The following FRMD4A variants were observed in gnomAD, a reference collection of about 807,000 sequenced individuals.
The protein encoded by FRMD4A is FERM domain containing 4A, also known as FERM domain-containing protein 4A.
FRMD4A carries 29 observed loss-of-function variants against 129.1 expected under a neutral mutation model. The ratio of observed to expected loss-of-function variants is 0.22; its 90% confidence interval spans 0.17 to 0.31. The LOEUF (loss-of-function observed/expected upper bound fraction) is 0.31, where lower values mean the gene tolerates loss of function less well. Among genes scored for constraint, FRMD4A ranks in the 10% least tolerant of loss-of-function variants. The pLI, the probability that FRMD4A is intolerant of heterozygous loss-of-function variation, is 1.00. For missense variants in FRMD4A, 1,272 were observed against 1,375.8 expected, an observed-to-expected ratio of 0.92 and a Z score of 1.19; for synonymous variants, 634 against 571.6, an observed-to-expected ratio of 1.11 and a Z score of -1.56.
At chr10:13,820,394 G>A (rs1268339433) in intron 3 of FRMD4A, among the ~76,000 whole-genome samples, 6 of 152,146 alleles carry the variant, frequency 3.9e-5, no homozygotes, top group African/African-American at 1.4e-4. Flanking sequence ...ACTCTGGGCT[G>A]GGAAGGCAGG....
chr10:13,740,655 C>A, intron 9 of FRMD4A, 78 bp from the exon 10 acceptor site: 1 of 761,588 alleles, frequency 1.3e-6, no homozygotes. Context: ...AGATATTTCT[C>A]AGCCCCATCT....
At chr10:13,972,153 G>A (rs1588634418) in intron 2 of FRMD4A, 1 of 1,053,578 alleles carries the variant, frequency 9.5e-7, no homozygotes, top group East Asian at 7.1e-5. Context: ...CTCTTTGGCA[G>A]ATCAAACAGA....
chr10:13,914,779 C>T (rs1055382626), intron 2 of FRMD4A, among the ~76,000 whole-genome samples: 1 of 151,600 alleles, frequency 6.6e-6, no homozygotes, highest in Non-Finnish European at 1.5e-5. Flanking sequence ...ATGTGGTGGA[C>T]CCCAAAGCTC....
chr10:13,793,088 C>T (rs557949976), intron 5 of FRMD4A, among the ~76,000 whole-genome samples: 97 of 152,240 alleles, frequency 6.4e-4, no homozygotes, highest in African/African-American at 2.3e-3. Flanking sequence ...GGTTACTCAG[C>T]CATGCAGTGT....
chr10:13,715,268 G>C (rs931393448), intron 12 of FRMD4A, among the ~76,000 whole-genome samples: 1 of 152,030 alleles, frequency 6.6e-6, no homozygotes, highest in Admixed American at 6.6e-5. Context: ...AAAACGAGGG[G>C]GTGTGTGGGC....
intron 2 of FRMD4A, among the ~76,000 whole-genome samples, chr10:13,992,161 TGA>T (rs2095605624): frequency 6.6e-6 from 1 of 152,250 alleles, no homozygotes; most frequent in African/African-American, 2.4e-5. Flanking sequence ...CTCAGCAAGA[TGA>T]TACTAAGATA....
chr10:14,122,545 C>T (rs569333142), intron 2 of FRMD4A, among the ~76,000 whole-genome samples: 20 of 140,432 alleles, frequency 1.4e-4, no homozygotes, highest in South Asian at 6.8e-4. Context: ...CTTACAATCA[C>T]GGCAGAATGT....
intron 15 of FRMD4A, chr10:13,685,410 G>T (rs2084977677): frequency 1.0e-6 from 1 of 984,934 alleles, no homozygotes; most frequent in South Asian, 4.7e-5. Flanking sequence ...AAAATTAGCA[G>T]CATCCAGTAA....
At chr10:14,273,944 C>A (rs1845251410) in intron 2 of FRMD4A, among the ~76,000 whole-genome samples, 1 of 152,180 alleles carries the variant, frequency 6.6e-6, no homozygotes, top group Non-Finnish European at 1.5e-5. Context: ...AAAACATCAA[C>A]CCTGACCTGT....
chr10:14,290,689 G>A (rs1396614057), intron 2 of FRMD4A, among the ~76,000 whole-genome samples: 1 of 152,096 alleles, frequency 6.6e-6, no homozygotes, highest in Non-Finnish European at 1.5e-5. Context: ...TTTCTTGGAT[G>A]TGATGCCAAA....
chr10:13,671,648 C>A (rs1161078570), intron 16 of FRMD4A, among the ~76,000 whole-genome samples: 1 of 152,158 alleles, frequency 6.6e-6, no homozygotes, highest in African/African-American at 2.4e-5. Context: ...GGGGGCGATT[C>A]AAGATTAGAA....
At chr10:13,764,762 A>G (rs1168757085) in intron 6 of FRMD4A, among the ~76,000 whole-genome samples, 2 of 152,160 alleles carry the variant, frequency 1.3e-5, no homozygotes, top group African/African-American at 4.8e-5. Flanking sequence ...TTTCCCTAGT[A>G]TCACAAGATC....
At chr10:13,696,383 C>T (rs1474746285) in intron 14 of FRMD4A, among the ~76,000 whole-genome samples, 1 of 152,144 alleles carries the variant, frequency 6.6e-6, no homozygotes, top group East Asian at 1.9e-4. Flanking sequence ...GGTGATGTAA[C>T]AATAACTCAC....
intron 2 of FRMD4A, among the ~76,000 whole-genome samples, chr10:14,193,787 G>C (rs1842392585): frequency 6.6e-6 from 1 of 151,858 alleles, no homozygotes; most frequent in African/African-American, 2.4e-5. Flanking sequence ...GGCTCCTCTC[G>C]CTAAGACACT....
At chr10:13,999,218 C>T (rs12414109) in intron 2 of FRMD4A, among the ~76,000 whole-genome samples, 5 of 152,060 alleles carry the variant, frequency 3.3e-5, no homozygotes. Flanking sequence ...CTCCGTCTCC[C>T]CCTGCTCCTT....
chr10:13,918,576 T>C (rs2095035326), intron 2 of FRMD4A, among the ~76,000 whole-genome samples: 1 of 152,198 alleles, frequency 6.6e-6, no homozygotes, highest in African/African-American at 2.4e-5. Flanking sequence ...TCGCCCAGGC[T>C]GGAGTGCAGT....
intron 22 of FRMD4A, chr10:13,655,164 G>C (rs74123087): frequency 1.3e-5 from 2 of 152,106 alleles, no homozygotes; most frequent in Non-Finnish European, 2.9e-5. Context: ...TCAATCCTAC[G>C]TAAATGCATC....
At chr10:14,249,222 G>C (rs1844348865) in intron 2 of FRMD4A, among the ~76,000 whole-genome samples, 1 of 151,902 alleles carries the variant, frequency 6.6e-6, no homozygotes, top group South Asian at 2.1e-4. Context: ...TGTGGTGGTG[G>C]GCACCTATAA....
chr10:14,034,402 C>T (rs1239523115), intron 2 of FRMD4A, among the ~76,000 whole-genome samples: 1 of 152,168 alleles, frequency 6.6e-6, no homozygotes, highest in Non-Finnish European at 1.5e-5. Flanking sequence ...GTTACCCACA[C>T]TCGAGTTCCA....
Sources: allele counts gnomAD v4.1 joint callset (sites outside exome capture counted in the v4.1 genomes callset), GRCh38; gene constraint gnomAD v4.1.1; transcripts MANE v1.5; gene names NCBI Gene and HGNC (gene_info 2026-07-23, HGNC 2026-07-21).